RBFOX1: variants seen among roughly 807,000 people sequenced by gnomAD.
The protein encoded by RBFOX1 is RNA binding fox-1 homolog 1.
A neutral mutation model predicts 57.7 loss-of-function variants in RBFOX1; 8 were observed. That is an observed-to-expected ratio of 0.14 (90% CI 0.08 to 0.25). The LOEUF (loss-of-function observed/expected upper bound fraction) is 0.25, where lower values mean the gene tolerates loss of function less well. RBFOX1 is among the 10% of genes least tolerant of loss of function. The probability of loss-of-function intolerance (pLI) is 1.00; values close to 1 mark genes in which losing one functional copy is unlikely to be tolerated. For missense variants in RBFOX1, 611 were observed against 548.5 expected (o/e 1.11, Z -1.14); for synonymous variants, 326 against 222.4 (o/e 1.47, Z -4.15).
chr16:6,771,211 A>G (rs1208518770), intron 3 of RBFOX1, among the ~76,000 whole-genome samples: 1 of 152,184 alleles, frequency 6.6e-6, no homozygotes, highest in African/African-American at 2.4e-5. Context: ...CAACACTGCA[A>G]ACACCTTAGT....
chr16:7,099,471 A>G (rs1279996108), intron 4 of RBFOX1, among the ~76,000 whole-genome samples: 2 of 152,206 alleles, frequency 1.3e-5, no homozygotes, highest in African/African-American at 4.8e-5. Flanking sequence ...TTGCACTGGT[A>G]TGTGAGACTT....
At chr16:5,312,643 A>T (rs147840429) in intron 1 of RBFOX1, among the ~76,000 whole-genome samples, 1 of 152,324 alleles carries the variant, frequency 6.6e-6, no homozygotes, top group East Asian at 1.9e-4. Context: ...ATGATATGGG[A>T]TCCATTAGGC....
chr16:6,371,554 C>T (rs961308783), intron 2 of RBFOX1, among the ~76,000 whole-genome samples: 2 of 152,034 alleles, frequency 1.3e-5, no homozygotes, highest in East Asian at 1.9e-4. Context: ...TAATAACATC[C>T]TTATTCCTTG....
In RBFOX1 at chr16:6,212,961, C is replaced by G. The variant is rs374928288; in HGVS notation, c.-126-104034C>G. On this transcript the variant is annotated intron_variant, in intron 1 of 15. Coordinates refer to ENST00000550418, the MANE Select transcript of RBFOX1 (RefSeq NM_018723.4). ...TACATAAAGAGGCAGACCTGAACGG[C>G]CTTTTCCCTTAATAAGTGAAGTATG... Among the ~76,000 whole-genome samples, 3 of 152,120 alleles carry G rather than the reference C, an allele frequency of 2.0e-5. 1 individual carries two copies. The highest frequency in any genetic ancestry group is 4.4e-5 in the Non-Finnish European group (3 of 68,018).
At chr16:6,629,931 A>C (rs1341355431) in intron 2 of RBFOX1, among the ~76,000 whole-genome samples, 1 of 148,956 alleles carries the variant, frequency 6.7e-6, no homozygotes, top group Non-Finnish European at 1.5e-5. Flanking sequence ...CATAAATGCT[A>C]ATTTTACATT....
intron 3 of RBFOX1, among the ~76,000 whole-genome samples, chr16:5,618,184 T>G (rs2048096953): frequency 6.6e-6 from 1 of 152,188 alleles, no homozygotes; most frequent in South Asian, 2.1e-4. Flanking sequence ...GTCTCTTTCC[T>G]TTGGTAAATT....
chr16:7,553,678 C>G (rs1053210154), intron 5 of RBFOX1, among the ~76,000 whole-genome samples: 1 of 152,182 alleles, frequency 6.6e-6, no homozygotes, highest in Non-Finnish European at 1.5e-5. Flanking sequence ...TACCAAGATG[C>G]AGCTGTGTCC....
intron 14 of RBFOX1, 51 bp from the exon 15 acceptor site, chr16:7,709,005 G>T: frequency 1.3e-6 from 2 of 1,523,516 alleles, no homozygotes; most frequent in Non-Finnish European, 1.8e-6. Context: ...GATTGTTATT[G>T]TTTTGTAATT....
At chr16:6,804,818 C>G (rs577277768) in intron 3 of RBFOX1, among the ~76,000 whole-genome samples, 1 of 152,152 alleles carries the variant, frequency 6.6e-6, no homozygotes, top group African/African-American at 2.4e-5. Flanking sequence ...ACTCTGACTT[C>G]TTATAGGTAA....
chr16:6,063,476 C>G (rs1268674724), intron 1 of RBFOX1, among the ~76,000 whole-genome samples: 1 of 82,720 alleles, frequency 1.2e-5, no homozygotes, highest in African/African-American at 4.6e-5. Flanking sequence ...CACACACACA[C>G]ACACACACAC....
chr16:5,575,420 A>G (rs1027602478), intron 2 of RBFOX1, among the ~76,000 whole-genome samples: 2 of 152,160 alleles, frequency 1.3e-5, no homozygotes, highest in African/African-American at 2.4e-5. Context: ...TAACAGCTCT[A>G]TGTCAGGCAG....
chr16:7,373,733 G>C (rs894489030), intron 4 of RBFOX1, among the ~76,000 whole-genome samples: 17 of 152,336 alleles, frequency 1.1e-4, no homozygotes, highest in African/African-American at 4.1e-4. Flanking sequence ...AGTTGATACA[G>C]GGGCCCAGCT....
chr16:5,264,193 C>T (rs1337789723), intron 1 of RBFOX1, among the ~76,000 whole-genome samples: 4 of 151,724 alleles, frequency 2.6e-5, no homozygotes, highest in East Asian at 3.9e-4. Flanking sequence ...GCTAGAGTGG[C>T]GATGTTAGGT....
chr16:6,869,349 A>G (rs913117224), intron 3 of RBFOX1, among the ~76,000 whole-genome samples: 1 of 152,172 alleles, frequency 6.6e-6, no homozygotes, highest in Non-Finnish European at 1.5e-5. Context: ...GTCACTGTTC[A>G]CAAATCCCAT....
chr16:6,607,946 A>G (rs1202193777), intron 2 of RBFOX1, among the ~76,000 whole-genome samples: 1 of 152,198 alleles, frequency 6.6e-6, no homozygotes, highest in Non-Finnish European at 1.5e-5. Flanking sequence ...ACTTGGAAAC[A>G]GCTATGAGCT....
chr16:6,679,820 T>G (rs1409940802), intron 3 of RBFOX1, among the ~76,000 whole-genome samples: 3 of 151,360 alleles, frequency 2.0e-5, no homozygotes, highest in African/African-American at 7.3e-5. Context: ...TCATCAGAGA[T>G]GCAGAGAAAG....
upstream of RBFOX1, among the ~76,000 whole-genome samples, chr16:6,015,499 T>A (rs1423214558): frequency 2.0e-5 from 3 of 152,208 alleles, no homozygotes; most frequent in Non-Finnish European, 4.4e-5. Flanking sequence ...TTACAAATCA[T>A]TTCAGAGCCT....
At chr16:6,449,012 A>C (rs1352371495) in intron 2 of RBFOX1, among the ~76,000 whole-genome samples, 2 of 152,248 alleles carry the variant, frequency 1.3e-5, no homozygotes, top group East Asian at 3.8e-4. Flanking sequence ...TTGAAAAAGA[A>C]GGTAGCAGTT....
intron 4 of RBFOX1, among the ~76,000 whole-genome samples, chr16:5,961,777 C>T (rs2098082): frequency 6.6e-6 from 1 of 152,074 alleles, no homozygotes; most frequent in Admixed American, 6.5e-5. Context: ...GTCCTCCTGC[C>T]TCAGCCTTCC....
Sources: allele counts gnomAD v4.1 joint callset (sites outside exome capture counted in the v4.1 genomes callset), GRCh38; gene constraint gnomAD v4.1.1; transcripts MANE v1.5; gene names NCBI Gene and HGNC (gene_info 2026-07-23, HGNC 2026-07-21).